ARID1B: variants seen among roughly 807,000 people sequenced by gnomAD.
ARID1B encodes AT-rich interaction domain 1B.
A neutral mutation model predicts 212.3 loss-of-function variants in ARID1B; 30 were observed. That is an observed-to-expected ratio of 0.14 (90% CI 0.11 to 0.19). The LOEUF is 0.19. Among genes scored for constraint, ARID1B ranks in the 10% least tolerant of loss-of-function variants. The pLI, the probability that ARID1B is intolerant of heterozygous loss-of-function variation, is 1.00. For missense variants in ARID1B, 2,891 were observed against 3,204.0 expected, an observed-to-expected ratio of 0.90 and a Z score of 2.36; for synonymous variants, 1,402 against 1,301.7, an observed-to-expected ratio of 1.08 and a Z score of -1.66.
intron 3 of ARID1B, among the ~76,000 whole-genome samples, chr6:156,925,993 C>T (rs1791189092): frequency 6.6e-6 from 1 of 152,210 alleles, no homozygotes; most frequent in South Asian, 2.1e-4. Context: ...TGGAGTCATA[C>T]AGCTGATGAA....
At chr6:157,100,168 T>TAA in intron 5 of ARID1B, among the ~76,000 whole-genome samples, 1 of 152,222 alleles carries the variant, frequency 6.6e-6, no homozygotes, top group Non-Finnish European at 1.5e-5. Context: ...CTTTCTGGTT[T>TAA]ATACTGCTCT....
intron 4 of ARID1B, among the ~76,000 whole-genome samples, chr6:156,998,147 C>G (rs1778704096): frequency 6.6e-6 from 1 of 151,644 alleles, no homozygotes; most frequent in Non-Finnish European, 1.5e-5. Flanking sequence ...CGTGATATGA[C>G]AGTAGAGTGT....
intron 1 of ARID1B, among the ~76,000 whole-genome samples, chr6:156,783,781 G>T (rs1055353069): frequency 6.6e-6 from 1 of 152,058 alleles, no homozygotes; most frequent in African/African-American, 2.4e-5. Context: ...CTTTTTTGCC[G>T]GTGTCCTCAA....
In ARID1B at chr6:157,209,727, A is replaced by G. The variant is rs1482309854; in HGVS notation, c.*1836A>G. The G allele has an allele frequency of 2.6e-5, 6 of 233,156 alleles. No individual in the cohort carries two copies. Among genetic ancestry groups the G allele is most frequent in the Non-Finnish European group, 5.1e-5 (6 of 118,052 alleles). The allele number at this position is 233,156 out of a possible 1,614,324, so 14.4% of individuals were successfully genotyped here. ...GTGCAATGTTAAAAAAGAATCTGTT[A>G]TATTGTATGTGGTGTACATAGTGCA... is the stretch of plus-strand genomic sequence containing the variant. On this transcript the variant is annotated 3_prime_UTR_variant, in exon 20 of 20. Coordinates refer to ENST00000636930, the MANE Select transcript of ARID1B (RefSeq NM_001374828.1).
intron 4 of ARID1B, chr6:156,938,779 C>T (rs1454180702): frequency 6.6e-6 from 1 of 152,162 alleles, no homozygotes; most frequent in Non-Finnish European, 1.5e-5. Flanking sequence ...TATCTTTATG[C>T]TACATCTATA....
chr6:157,163,532 T>C (rs1161594467), intron 8 of ARID1B, among the ~76,000 whole-genome samples: 1 of 152,174 alleles, frequency 6.6e-6, no homozygotes, highest in African/African-American at 2.4e-5. Context: ...TCCTCTGCAA[T>C]GGTGAAAGAC....
intron 2 of ARID1B, among the ~76,000 whole-genome samples, chr6:156,841,917 T>C (rs552165751): frequency 6.6e-6 from 1 of 152,228 alleles, no homozygotes; most frequent in Non-Finnish European, 1.5e-5. Flanking sequence ...TAGCACTGTT[T>C]TATGATTCTG....
intron 1 of ARID1B, among the ~76,000 whole-genome samples, chr6:156,784,403 G>T (rs1779493246): frequency 6.6e-6 from 1 of 152,190 alleles, no homozygotes; most frequent in Non-Finnish European, 1.5e-5. Context: ...GAGGCTATTT[G>T]AATGAGACTC....
chr6:156,939,159 A>C (rs1316713785), intron 4 of ARID1B: 1 of 152,210 alleles, frequency 6.6e-6, no homozygotes, highest in Non-Finnish European at 1.5e-5. Flanking sequence ...AACATTGAAG[A>C]GCTCTCTTTC....
Position 157,207,280 on chromosome 6 carries a change from C to G in ARID1B, c.6508C>G (p.Pro2170Ala). ...TGCTTACACGGAAAGCATCTGCTTG[C>G]CAATTTTGGATGGCTTGCTGCACTG... ...LSAYTESICL[P>A]ILDGLLHWMV... Residue 2170 changes from proline to alanine, a missense_variant, in exon 20 of 20, where the codon CCA (proline) becomes GCA (alanine). Coordinates refer to ENST00000636930, the MANE Select transcript of ARID1B (RefSeq NM_001374828.1). The surrounding 1 kb of genome is among the most constrained non-coding windows in gnomAD (Gnocchi z 8.5). 6.2e-7 allele frequency: 1 copy of G among 1,614,120 alleles called. No homozygotes were observed. The highest frequency in any genetic ancestry group is 8.5e-7 in the Non-Finnish European group (1 of 1,179,986).
At chr6:157,098,798 C>G (rs986409788) in intron 5 of ARID1B, among the ~76,000 whole-genome samples, 1 of 152,120 alleles carries the variant, frequency 6.6e-6, no homozygotes, top group Non-Finnish European at 1.5e-5. Flanking sequence ...GCAGTGGGAC[C>G]CAGGCTGAGC....
chr6:157,026,369 C>T (rs1780668673), intron 4 of ARID1B, among the ~76,000 whole-genome samples: 1 of 152,200 alleles, frequency 6.6e-6, no homozygotes, highest in African/African-American at 2.4e-5. Context: ...TTTGGGAGAG[C>T]ACTGTAATCA....
At chr6:156,809,733 AAG>A (rs1781435363) in intron 1 of ARID1B, among the ~76,000 whole-genome samples, 3 of 151,358 alleles carry the variant, frequency 2.0e-5, no homozygotes, top group African/African-American at 7.3e-5. Context: ...AAAAAAAAAA[AAG>A]GACTCCCTTT....
At chr6:156,871,736 G>A in intron 2 of ARID1B, 1 of 1,492,260 alleles carries the variant, frequency 6.7e-7, no homozygotes, top group Non-Finnish European at 9.2e-7. Context: ...CATCTGTGTT[G>A]TTCCCCTCCT....
chr6:157,119,245 G>A (rs1053457215), intron 6 of ARID1B, among the ~76,000 whole-genome samples: 5 of 151,968 alleles, frequency 3.3e-5, no homozygotes, highest in African/African-American at 1.2e-4. Flanking sequence ...CAGCCTCCTC[G>A]CTGTTCCTCC....
chr6:157,084,420 A>T (rs751827074), intron 4 of ARID1B, among the ~76,000 whole-genome samples: 1 of 152,114 alleles, frequency 6.6e-6, no homozygotes, highest in Non-Finnish European at 1.5e-5. Context: ...CTGTATGGGG[A>T]TGGTTTTATC....
intron 4 of ARID1B, among the ~76,000 whole-genome samples, chr6:157,083,096 G>A (rs148643834): frequency 0.014 from 2,173 of 151,588 alleles, 35 homozygotes; most frequent in Admixed American, 0.027. Flanking sequence ...GCTTTTTTTT[G>A]TACTTTCTGG....
chr6:157,118,794 A>G (rs1317690142), intron 6 of ARID1B, among the ~76,000 whole-genome samples: 1 of 152,266 alleles, frequency 6.6e-6, no homozygotes, highest in African/African-American at 2.4e-5. Flanking sequence ...CACACACAAT[A>G]GGAGTCCATT....
intron 4 of ARID1B, chr6:157,071,112 A>G (rs943978729): frequency 2.0e-5 from 3 of 152,194 alleles, no homozygotes; most frequent in African/African-American, 7.2e-5. Flanking sequence ...TTTATTTTTA[A>G]AGATGCTGCT....
Sources: gnomAD v4.1 joint callset for allele counts (sites outside exome capture counted in the v4.1 genomes callset) on GRCh38, gnomAD v4.1.1 for gene constraint, Gnocchi (gnomAD v3.1) non-coding constraint, MANE v1.5 for transcripts, NCBI Gene and HGNC (gene_info 2026-07-23, HGNC 2026-07-21) for gene names.